The following NINJ2 variants were observed in gnomAD, a reference collection of about 807,000 sequenced individuals.
NINJ2 encodes ninjurin 2, also known as ninjurin-2.
NINJ2 carries 12 observed loss-of-function variants against 11.7 expected under a neutral mutation model. The ratio of observed to expected loss-of-function variants is 1.02; its 90% CI spans 0.66 to 1.66. The LOEUF (loss-of-function observed/expected upper bound fraction) is 1.66. Among genes scored for constraint, NINJ2 ranks in the 40% most tolerant of loss-of-function variants. NINJ2 has a pLI of 0.00. For missense variants in NINJ2, 187 were observed against 181.8 expected (o/e 1.03, Z -0.16); for synonymous variants, 93 against 76.8 (o/e 1.21, Z -1.10).
chr12:569,013 C>T (rs564625645), intron 1 of NINJ2, among the ~76,000 whole-genome samples: 255 of 152,190 alleles, frequency 1.7e-3, no homozygotes, highest in Non-Finnish European at 1.9e-4. Context: ...GCCATAGGCA[C>T]GAAAGGAATG....
At chr12:630,811 G>C (rs1948270954) in intron 1 of NINJ2, 2 of 152,362 alleles carry the variant, frequency 1.3e-5, no homozygotes, top group African/African-American at 4.8e-5. Flanking sequence ...AGAGGCCCCA[G>C]CCCGGCCTCG....
chr12:603,417 A>G (rs1000478958), intron 1 of NINJ2, among the ~76,000 whole-genome samples: 1 of 152,042 alleles, frequency 6.6e-6, no homozygotes, highest in African/African-American at 2.4e-5. Flanking sequence ...ACCTTTTTTA[A>G]TATTCATGAA....
At position 565,951 on chromosome 12, in the gene NINJ2, AATGACCACGAGCAGGACACCG is replaced by A. The variant is rs1198981704; in HGVS notation, c.240_260del (p.Gly81_Ile87del). 6.2e-7 allele frequency: 1 copy of A among 1,614,034 alleles called. No homozygotes were observed. Among genetic ancestry groups the A allele is most frequent in the Non-Finnish European group, 8.5e-7 (1 of 1,179,860 alleles). ...CTGACTGCAGGCTGGGCTCCTCACCAATGACCACGAGCAGGACACCGATGACCACCTGCAGGAGCAGAGAGA... is the reference window on the plus strand; with the variant it reads ...CTGACTGCAGGCTGGGCTCCTCACCAATGACCACCTGCAGGAGCAGAGAGA... On this transcript the variant is annotated inframe_deletion and splice_region_variant, in exon 2 of 4. Transcript: ENST00000305108.
At position 637,968 on chromosome 12, in the gene NINJ2, C is replaced by T. The variant is rs79695026; in HGVS notation, c.33+25360G>A. On this transcript the variant is annotated intron_variant, in intron 1 of 3. Transcript: ENST00000305108. ...ACCTCAAAAAAAGGGAGTTCTCATT[C>T]CAGCTCCTTCAGCAGAGTCACTGTA... Among the ~76,000 whole-genome samples, 631 of 152,342 alleles carry T rather than the reference C, an allele frequency of 4.1e-3. 28 individuals carry two copies. In the East Asian group the frequency reaches 0.1, roughly 25 times the overall value.
At chr12:607,886 A>G (rs1272012696) in intron 1 of NINJ2, among the ~76,000 whole-genome samples, 1 of 152,194 alleles carries the variant, frequency 6.6e-6, no homozygotes, top group African/African-American at 2.4e-5. Context: ...TGGCAGGAGC[A>G]AAGTTGCCTG....
intron 1 of NINJ2, among the ~76,000 whole-genome samples, chr12:587,426 C>T (rs765666784): frequency 2.6e-5 from 4 of 152,250 alleles, no homozygotes; most frequent in Non-Finnish European, 5.9e-5. Context: ...AATGTCTGCA[C>T]ATGCACCATC....
chr12:626,002 AGT>A (rs908982989), intron 1 of NINJ2, among the ~76,000 whole-genome samples: 7 of 152,322 alleles, frequency 4.6e-5, no homozygotes, highest in African/African-American at 1.7e-4. Context: ...AGGCTGTAAG[AGT>A]TTCATTAAAT....
chr12:571,852 A>G (rs1565618816), intron 1 of NINJ2, among the ~76,000 whole-genome samples: 1 of 152,238 alleles, frequency 6.6e-6, no homozygotes, highest in Non-Finnish European at 1.5e-5. Context: ...CTGTTCTCCC[A>G]GAGGGCCATG....
At chr12:604,936 C>A (rs1050080326) in intron 1 of NINJ2, among the ~76,000 whole-genome samples, 2 of 152,198 alleles carry the variant, frequency 1.3e-5, no homozygotes, top group African/African-American at 4.8e-5. Context: ...TGGTTTAGGT[C>A]CACAAACTGT....
chr12:581,031 A>G lies in NINJ2; in HGVS notation c.34-14853T>C, dbSNP rs1253515955. Among the ~76,000 whole-genome samples the G allele has an allele frequency of 7.2e-6, 1 of 138,790 alleles. No individual in the cohort carries two copies. The highest frequency in any genetic ancestry group is 7.4e-5 in the Admixed American group (1 of 13,532). 91.1% of individuals were successfully genotyped at this position (138,790 alleles called of 152,430 possible). Reference sequence around the variant, plus strand: ...GAATGTGTGTGTTCATGTCTTGTGTATGTGTCTGTGTGTGTCTGTGTCTGT... The same window carrying G: ...GAATGTGTGTGTTCATGTCTTGTGTGTGTGTCTGTGTGTGTCTGTGTCTGT... On this transcript the variant is annotated intron_variant, in intron 1 of 3. Transcript: ENST00000305108. This position sits in a 1 kb window ranked among gnomAD's most constrained non-coding sequence, Gnocchi z 4.9.
At chr12:589,512 G>T (rs931586204) in intron 1 of NINJ2, 1 of 152,138 alleles carries the variant, frequency 6.6e-6, no homozygotes, top group African/African-American at 2.4e-5. Flanking sequence ...CCAATTGTAG[G>T]TTGTTTTCTC....
intron 1 of NINJ2, among the ~76,000 whole-genome samples, chr12:618,002 G>T (rs74396113): frequency 0.15 from 22,259 of 151,746 alleles, 2,037 homozygotes; most frequent in South Asian, 0.26. Context: ...CTGGTGGTCT[G>T]AAAGGGATAA....
chr12:641,016 G>C (rs1028830454), intron 1 of NINJ2: 1 of 152,204 alleles, frequency 6.6e-6, no homozygotes, highest in African/African-American at 2.4e-5. Context: ...TGTGTCTAGA[G>C]TCCTTAAGGT....
chr12:604,033 A>G (rs1343523707), intron 1 of NINJ2, among the ~76,000 whole-genome samples: 2 of 152,166 alleles, frequency 1.3e-5, no homozygotes, highest in African/African-American at 2.4e-5. Flanking sequence ...CCAGCATCAC[A>G]CTGACTTGAT....
intron 1 of NINJ2, among the ~76,000 whole-genome samples, chr12:569,265 A>G (rs1319852681): frequency 6.6e-6 from 1 of 152,216 alleles, no homozygotes; most frequent in African/African-American, 2.4e-5. Context: ...CAGGGCCAAC[A>G]CTTCACAAAG....
rs755783349 is a variant in NINJ2 at position 566,028 on chromosome 12, A to G, written c.184T>C (p.Tyr62His). The change falls in exon 2 of 4, where the codon TAC becomes CAC. Residue 62 changes from tyrosine (Y) to histidine (H), a missense_variant. Tyr to His is a moderately conservative substitution (Grantham distance 83). Coordinates refer to ENST00000305108, the MANE Select transcript of NINJ2 (RefSeq NM_016533.6). ...AVLEQGPSSH[Y>H]YTTLVTLISL... ...ATGAGGGTGACCAGGGTGGTGTAGT[A>G]GTGAGAGGATGGTCCCTGCTCCAGC... 1.9e-6 allele frequency: 3 copies of G among 1,614,148 alleles called. No individual in the cohort carries two copies. Among genetic ancestry groups the G allele is most frequent in the Non-Finnish European group, 2.5e-6 (3 of 1,180,004 alleles).
At chr12:631,939 G>A (rs1183590729) in intron 1 of NINJ2, among the ~76,000 whole-genome samples, 1 of 151,994 alleles carries the variant, frequency 6.6e-6, no homozygotes, top group Non-Finnish European at 1.5e-5. Flanking sequence ...GACAATTAGA[G>A]GAGTTTTTTT....
At chr12:662,158 C>T (rs576895931) in intron 1 of NINJ2, among the ~76,000 whole-genome samples, 16 of 152,304 alleles carry the variant, frequency 1.1e-4, no homozygotes, top group African/African-American at 3.9e-4. Context: ...CTAGGAAGGG[C>T]CAGCCAGGAG....
At chr12:656,704 G>T (rs963199259) in intron 1 of NINJ2, among the ~76,000 whole-genome samples, 2 of 151,226 alleles carry the variant, frequency 1.3e-5, no homozygotes, top group African/African-American at 4.9e-5. Flanking sequence ...AGCCGAGATT[G>T]CGCCACTGCA....
Sources: allele counts gnomAD v4.1 joint callset (sites outside exome capture counted in the v4.1 genomes callset), GRCh38; gene constraint gnomAD v4.1.1; non-coding constraint Gnocchi (gnomAD v3.1); transcripts MANE v1.5; gene names NCBI Gene and HGNC (gene_info 2026-07-23, HGNC 2026-07-21).